Variants in RBM19 observed in about 807,000 individuals in gnomAD.
RBM19 encodes probable RNA-binding protein 19.
RBM19 carries 94 observed loss-of-function variants against 116.8 expected under a neutral mutation model. That is an observed-to-expected ratio of 0.80 (90% confidence interval 0.68 to 0.95). The LOEUF (loss-of-function observed/expected upper bound fraction) is 0.95. Among genes scored for constraint, RBM19 ranks in the 40% least tolerant of loss-of-function variants. The pLI is 0.00. For missense variants in RBM19, 1,161 were observed against 1,220.7 expected, an observed-to-expected ratio of 0.95 and a Z score of 0.73; for synonymous variants, 475 against 494.1, an observed-to-expected ratio of 0.96 and a Z score of 0.51.
At chr12:113,880,392 G>A (rs1441308329) in intron 21 of RBM19, among the ~76,000 whole-genome samples, 1 of 152,138 alleles carries the variant, frequency 6.6e-6, no homozygotes, top group African/African-American at 2.4e-5. Flanking sequence ...CATCTGTAAA[G>A]ATCCATTCGG....
intron 23 of RBM19, among the ~76,000 whole-genome samples, chr12:113,841,481 T>C (rs2135712779): frequency 6.7e-6 from 1 of 148,160 alleles, no homozygotes; most frequent in East Asian, 2.0e-4. Flanking sequence ...TGGAGTGCAG[T>C]GGTGTGATCC....
intron 21 of RBM19, among the ~76,000 whole-genome samples, chr12:113,876,919 G>C (rs1879709336): frequency 6.6e-6 from 1 of 152,232 alleles, no homozygotes; most frequent in African/African-American, 2.4e-5. Context: ...CCTCCCTCCA[G>C]AGTGTTCTGA....
chr12:113,835,264 C>CTTAT (rs1875773470), intron 23 of RBM19, among the ~76,000 whole-genome samples: 1 of 152,064 alleles, frequency 6.6e-6, no homozygotes, highest in African/African-American at 2.4e-5. Context: ...TGATTAGGTT[C>CTTAT]TTATGTATGT....
chr12:113,889,459 G>A (rs967631047), intron 21 of RBM19, among the ~76,000 whole-genome samples: 4 of 152,104 alleles, frequency 2.6e-5, no homozygotes, highest in African/African-American at 7.2e-5. Flanking sequence ...TCAATCTGGG[G>A]AAATTTTGGG....
chr12:113,909,388 G>A (rs562047380), intron 21 of RBM19, among the ~76,000 whole-genome samples: 9 of 152,176 alleles, frequency 5.9e-5, no homozygotes, highest in Admixed American at 1.3e-4. Flanking sequence ...CCCAAAGTGC[G>A]GGAACAGACT....
Position 113,894,933 on chromosome 12 carries a change from C to A in RBM19, c.2558+20036G>T, listed in dbSNP as rs541380977. Among the ~76,000 whole-genome samples, 3 of 152,330 alleles carry A rather than the reference C, an allele frequency of 2.0e-5. No homozygotes were observed. In the South Asian group the frequency reaches 6.2e-4, roughly 32 times the overall value. ...GGGGCTGTCCTTCACCTGAGCAAAG[C>A]ACTTCCCCAAGCCTGCTCTTCTGGC... is the stretch of plus-strand genomic sequence containing the variant. On this transcript the variant is annotated intron_variant, in intron 21 of 23. Transcript: ENST00000261741.
intron 23 of RBM19, among the ~76,000 whole-genome samples, chr12:113,832,577 G>A (rs1258356953): frequency 6.6e-6 from 1 of 152,146 alleles, no homozygotes; most frequent in Non-Finnish European, 1.5e-5. Context: ...GTCAGGACCC[G>A]CTATGGCAAT....
downstream of RBM19, among the ~76,000 whole-genome samples, chr12:113,819,031 G>A (rs1472175908): frequency 2.0e-5 from 3 of 152,204 alleles, no homozygotes; most frequent in South Asian, 4.1e-4. Flanking sequence ...CCTTCCAGGC[G>A]CCCGCTAGTG....
chr12:113,959,741 C>T (rs1872317038), intron 4 of RBM19, 124 bp downstream of exon 4: 4 of 1,209,842 alleles, frequency 3.3e-6, no homozygotes, highest in Non-Finnish European at 4.8e-6. Context: ...TCCTAGCCTC[C>T]ACCCTCTCCA....
At chr12:113,856,365 G>A (rs924862818) in intron 22 of RBM19, among the ~76,000 whole-genome samples, 3 of 152,222 alleles carry the variant, frequency 2.0e-5, no homozygotes, top group African/African-American at 7.2e-5. Flanking sequence ...TTACCTGGGA[G>A]TCCACCTTCT....
chr12:113,956,412 C>T (rs1264436340), intron 6 of RBM19, among the ~76,000 whole-genome samples: 4 of 151,786 alleles, frequency 2.6e-5, no homozygotes, highest in Non-Finnish European at 5.9e-5. Context: ...GAAACTCCAT[C>T]TCTACTAAAA....
chr12:113,897,559 C>T (rs183426422), intron 21 of RBM19, among the ~76,000 whole-genome samples: 2 of 151,948 alleles, frequency 1.3e-5, no homozygotes, highest in African/African-American at 4.9e-5. Flanking sequence ...CACCTACAAT[C>T]CCGGCTACTC....
At chr12:113,897,368 G>A (rs569167775) in intron 21 of RBM19, among the ~76,000 whole-genome samples, 23 of 152,334 alleles carry the variant, frequency 1.5e-4, no homozygotes, top group African/African-American at 3.8e-4. Flanking sequence ...GTTTTACCCC[G>A]TTGGCCAGGC....
chr12:113,895,338 G>A (rs1249745527), intron 21 of RBM19, among the ~76,000 whole-genome samples: 1 of 152,156 alleles, frequency 6.6e-6, no homozygotes, highest in Admixed American at 6.6e-5. Context: ...GTGAGCTGCT[G>A]GGAGGGAAAC....
intron 21 of RBM19, among the ~76,000 whole-genome samples, chr12:113,860,614 C>T (rs1448838087): frequency 1.3e-5 from 2 of 152,226 alleles, no homozygotes; most frequent in Admixed American, 6.5e-5. Context: ...CGGCCATAGA[C>T]AGCCACTGGG....
chr12:113,962,120 C>T, intron 2 of RBM19, 112 bp downstream of exon 2: 2 of 1,319,124 alleles, frequency 1.5e-6, no homozygotes, highest in Non-Finnish European at 2.1e-6. Flanking sequence ...AGGAAGAAAA[C>T]CAAAGACATC....
At chr12:113,880,074 G>A (rs1056443909) in intron 21 of RBM19, among the ~76,000 whole-genome samples, 2 of 151,310 alleles carry the variant, frequency 1.3e-5, no homozygotes, top group Non-Finnish European at 2.9e-5. Context: ...GGGTGGTGAT[G>A]AAGGCCACTA....
chr12:113,851,518 G>A (rs564312749), intron 22 of RBM19, among the ~76,000 whole-genome samples: 2 of 152,318 alleles, frequency 1.3e-5, no homozygotes, highest in Non-Finnish European at 2.9e-5. Flanking sequence ...ACGGACAGCT[G>A]AGGCTCTGGG....
At position 113,949,049 on chromosome 12, in the gene RBM19, G is replaced by T; in HGVS notation, c.1073-13C>A. On this transcript the variant is annotated splice_polypyrimidine_tract_variant and intron_variant, in intron 9 of 23. Transcript: ENST00000261741. Reference sequence around the variant, plus strand: ...ATGTAGCGCCCACCTGCAATGAAGAGGAGTCAGGGCTCCAGGGGGAGGCCT... The same window carrying T: ...ATGTAGCGCCCACCTGCAATGAAGATGAGTCAGGGCTCCAGGGGGAGGCCT... 6.2e-7 allele frequency: 1 copy of T among 1,607,884 alleles called. No individual in the cohort carries two copies. Among genetic ancestry groups the T allele is most frequent in the Non-Finnish European group, 8.5e-7 (1 of 1,175,350 alleles).
Sources: allele counts gnomAD v4.1 joint callset (sites outside exome capture counted in the v4.1 genomes callset), GRCh38; gene constraint gnomAD v4.1.1; transcripts MANE v1.5; gene names NCBI Gene and HGNC (gene_info 2026-07-23, HGNC 2026-07-21).